NRG3: variants seen among roughly 807,000 people sequenced by gnomAD.
NRG3 encodes pro-neuregulin-3, membrane-bound isoform.
In NRG3, 31 loss-of-function variants were observed where a neutral mutation model predicts 66.9. The ratio of observed to expected loss-of-function variants is 0.46; its 90% CI spans 0.35 to 0.63. The LOEUF is 0.63. Ranked by LOEUF, NRG3 falls within the 20% of genes least tolerant of loss-of-function variation. The pLI, the probability that NRG3 is intolerant of heterozygous loss-of-function variation, is 0.00. For synonymous variants in NRG3, 393 were observed against 359.4 expected (o/e 1.09, Z -1.06); for missense variants, 910 against 878.9 (o/e 1.04, Z -0.45).
At chr10:82,544,171 C>T (rs1282022078) in intron 2 of NRG3, among the ~76,000 whole-genome samples, 1 of 152,106 alleles carries the variant, frequency 6.6e-6, no homozygotes, top group Non-Finnish European at 1.5e-5. Flanking sequence ...ATTTGCACTT[C>T]TAAAGGTGCT....
chr10:82,153,003 A>T (rs1035831264), intron 1 of NRG3, among the ~76,000 whole-genome samples: 6 of 151,954 alleles, frequency 3.9e-5, no homozygotes, highest in Non-Finnish European at 8.8e-5. Context: ...CACACATTGT[A>T]GAAAGATTAA....
At chr10:82,290,901 C>T (rs1300688429) in intron 1 of NRG3, among the ~76,000 whole-genome samples, 2 of 151,820 alleles carry the variant, frequency 1.3e-5, no homozygotes, top group Non-Finnish European at 2.9e-5. Flanking sequence ...CCTCGGCCTA[C>T]CAAAGTGCTG....
At chr10:81,963,993 A>G (rs2059630424) in intron 1 of NRG3, among the ~76,000 whole-genome samples, 1 of 152,180 alleles carries the variant, frequency 6.6e-6, no homozygotes. Context: ...AATCGTACAA[A>G]AAATACATGA....
intron 3 of NRG3, among the ~76,000 whole-genome samples, chr10:82,864,339 T>A (rs508530): frequency 0.64 from 96,545 of 151,874 alleles, 31,688 homozygotes; most frequent in African/African-American, 0.8. Context: ...TCCAAATAAA[T>A]TTTTTAATGA....
intron 2 of NRG3, among the ~76,000 whole-genome samples, chr10:82,665,947 C>T (rs1591083110): frequency 6.6e-6 from 1 of 152,266 alleles, no homozygotes; most frequent in East Asian, 1.9e-4. Flanking sequence ...CTGCAACCTA[C>T]ACCTCCCAGG....
intron 4 of NRG3, among the ~76,000 whole-genome samples, chr10:82,924,320 G>T (rs1313743537): frequency 6.6e-6 from 1 of 151,874 alleles, no homozygotes; most frequent in African/African-American, 2.4e-5. Context: ...TGAATCAATC[G>T]CCTAAGTATC....
In NRG3 at chr10:82,986,622, T is replaced by G. The variant is rs1853451331; in HGVS notation, c.*1017T>G. Reference sequence around the variant, plus strand: ...AATCAAGGTCACTTGCATGGTGGGGTCGTATAAAACTCTTGACACTGTCTA... The same window carrying G: ...AATCAAGGTCACTTGCATGGTGGGGGCGTATAAAACTCTTGACACTGTCTA... On this transcript the variant is annotated 3_prime_UTR_variant, in exon 9 of 9. Coordinates refer to ENST00000372141, the MANE Select transcript of NRG3 (RefSeq NM_001010848.4). 6.6e-6 allele frequency: 1 copy of G among 152,174 alleles called. No individual in the cohort carries two copies. Among genetic ancestry groups the G allele is most frequent in the Non-Finnish European group, 1.5e-5 (1 of 68,038 alleles). 9.4% of individuals were successfully genotyped at this position (152,174 alleles called of 1,614,324 possible). A position where few individuals can be genotyped will look rare whatever the true frequency, so the allele number is the denominator to read the frequency against.
chr10:82,349,898 A>C (rs1213646914), intron 1 of NRG3, among the ~76,000 whole-genome samples: 1 of 152,156 alleles, frequency 6.6e-6, no homozygotes, highest in Non-Finnish European at 1.5e-5. Flanking sequence ...TTCCCAAGTG[A>C]GGCAATGCCT....
At chr10:82,788,637 G>T (rs1057433362) in intron 3 of NRG3, among the ~76,000 whole-genome samples, 10 of 151,928 alleles carry the variant, frequency 6.6e-5, no homozygotes, top group African/African-American at 2.2e-4. Context: ...GAAGACAAAG[G>T]AGAAAATAAG....
chr10:82,744,804 A>G (rs891037912), intron 3 of NRG3, among the ~76,000 whole-genome samples: 1 of 152,184 alleles, frequency 6.6e-6, no homozygotes, highest in African/African-American at 2.4e-5. Context: ...CTAATCTGTA[A>G]CATATATAGC....
intron 2 of NRG3, among the ~76,000 whole-genome samples, chr10:82,472,036 A>G (rs1306852440): frequency 6.6e-6 from 1 of 152,168 alleles, no homozygotes; most frequent in Non-Finnish European, 1.5e-5. Context: ...TGGATGGTGG[A>G]GATAAATCAT....
intron 1 of NRG3, among the ~76,000 whole-genome samples, chr10:82,003,647 TA>T (rs2061260315): frequency 1.3e-5 from 2 of 152,108 alleles, no homozygotes; most frequent in South Asian, 4.2e-4. Flanking sequence ...ATGTGTCCAT[TA>T]GATTTGGCAA....
intron 2 of NRG3, among the ~76,000 whole-genome samples, chr10:82,390,448 G>A (rs1439053533): frequency 6.6e-6 from 1 of 151,996 alleles, no homozygotes; most frequent in African/African-American, 2.4e-5. Context: ...TAAATCTTGA[G>A]GAAGAAGTAT....
intron 2 of NRG3, among the ~76,000 whole-genome samples, chr10:82,604,046 A>G (rs1005004851): frequency 6.6e-6 from 1 of 152,120 alleles, no homozygotes; most frequent in African/African-American, 2.4e-5. Flanking sequence ...CAATATAAAA[A>G]CACTATTTTT....
intron 2 of NRG3, among the ~76,000 whole-genome samples, chr10:82,367,139 C>T (rs768730280): frequency 1.6e-4 from 25 of 152,034 alleles, no homozygotes; most frequent in African/African-American, 2.7e-4. Context: ...CATACACACA[C>T]GGAGACGTGC....
intron 2 of NRG3, among the ~76,000 whole-genome samples, chr10:82,408,058 A>AGAGAGC (rs2087680420): frequency 8.3e-6 from 1 of 120,520 alleles, no homozygotes; most frequent in African/African-American, 3.7e-5. Flanking sequence ...AGAGAGAGAG[A>AGAGAGC]GAGAGAGAGA....
rs1342876994 is a variant in NRG3 at position 82,837,077 on chromosome 10, A to C, written c.1028-28334A>C. 2.0e-5 allele frequency among the ~76,000 whole-genome samples: 3 copies of C among 152,176 alleles called. No individual in the cohort carries two copies. The East Asian group carries it at 5.8e-4, about 29-fold the overall frequency. ...GCCCTATGAAGGACATGAACTCATC[A>C]TTTTTTATGGCTGCATAGTATTCCA... On this transcript the variant is annotated intron_variant, in intron 3 of 8. Transcript: ENST00000372141.
At chr10:82,834,466 A>G (rs2062679181) in intron 3 of NRG3, among the ~76,000 whole-genome samples, 1 of 152,194 alleles carries the variant, frequency 6.6e-6, no homozygotes, top group Non-Finnish European at 1.5e-5. Context: ...TGAATGTCAC[A>G]GTAGAGTAAC....
intron 1 of NRG3, among the ~76,000 whole-genome samples, chr10:82,017,785 T>C (rs1241600805): frequency 1.1e-4 from 17 of 152,164 alleles, no homozygotes; most frequent in Admixed American, 1.3e-4. Flanking sequence ...TTGATGGGGT[T>C]GTTTGTTTTT....
Sources: gnomAD v4.1 joint callset for allele counts (sites outside exome capture counted in the v4.1 genomes callset) on GRCh38, gnomAD v4.1.1 for gene constraint, MANE v1.5 for transcripts, NCBI Gene and HGNC (gene_info 2026-07-23, HGNC 2026-07-21) for gene names.